The following PTPRG variants were observed in gnomAD, a reference collection of about 807,000 sequenced individuals.
PTPRG encodes the protein receptor-type tyrosine-protein phosphatase gamma.
In PTPRG, 102 loss-of-function variants were observed where a neutral mutation model predicts 165.3. The ratio of observed to expected loss-of-function variants is 0.62; its 90% CI spans 0.53 to 0.73. The LOEUF (loss-of-function observed/expected upper bound fraction) is 0.73. Among genes scored for constraint, PTPRG ranks in the 30% least tolerant of loss-of-function variants. PTPRG has a pLI of 0.00. For missense variants in PTPRG, 1,866 were observed against 1,861.4 expected (o/e 1.00, Z -0.05); for synonymous variants, 675 against 669.5 (o/e 1.01, Z -0.13).
chr3:61,961,316 A>AG (rs1481110063), intron 2 of PTPRG, among the ~76,000 whole-genome samples: 2 of 152,176 alleles, frequency 1.3e-5, no homozygotes, highest in African/African-American at 2.4e-5. Flanking sequence ...TAATACCTTT[A>AG]GGGTTGAAGT....
intron 2 of PTPRG, among the ~76,000 whole-genome samples, chr3:61,955,392 TTAAA>T (rs2040006602): frequency 6.6e-6 from 1 of 152,236 alleles, no homozygotes; most frequent in African/African-American, 2.4e-5. Flanking sequence ...ATGGTAATGT[TTAAA>T]TAGTTTTTAA....
intron 16 of PTPRG, chr3:62,262,151 T>C (rs932406390): frequency 7.4e-4 from 112 of 152,342 alleles, no homozygotes; most frequent in African/African-American, 2.4e-3. Context: ...TTATTTCTGC[T>C]ACTGCTATTT....
intron 1 of PTPRG, among the ~76,000 whole-genome samples, chr3:61,645,036 G>A (rs1702163788): frequency 6.6e-6 from 1 of 152,124 alleles, no homozygotes; most frequent in African/African-American, 2.4e-5. Context: ...CTTGGATATT[G>A]CTTTTCCTTC....
chr3:61,647,207 C>T (rs768364900), intron 1 of PTPRG, among the ~76,000 whole-genome samples: 8 of 152,186 alleles, frequency 5.3e-5, no homozygotes, highest in South Asian at 2.1e-4. Flanking sequence ...TTACTAAGCA[C>T]GTGATAACTG....
intron 1 of PTPRG, among the ~76,000 whole-genome samples, chr3:61,700,492 A>G (rs949194786): frequency 1.2e-4 from 19 of 152,226 alleles, no homozygotes; most frequent in African/African-American, 3.9e-4. Context: ...AAGGAAATTT[A>G]TAACTAAATT....
chr3:62,022,335 T>C (rs998349415), intron 4 of PTPRG, among the ~76,000 whole-genome samples: 4 of 152,242 alleles, frequency 2.6e-5, no homozygotes, highest in Non-Finnish European at 4.4e-5. Context: ...TCATAAAATG[T>C]CTGATCTTTT....
chr3:62,035,886 C>G (rs117854159), intron 4 of PTPRG, among the ~76,000 whole-genome samples: 2 of 152,112 alleles, frequency 1.3e-5, no homozygotes, highest in Non-Finnish European at 2.9e-5. Flanking sequence ...TGGTTGTAGG[C>G]CTATGTCCAG....
intron 1 of PTPRG, among the ~76,000 whole-genome samples, chr3:61,600,170 A>AT (rs1700814424): frequency 7.1e-5 from 8 of 112,740 alleles, no homozygotes; most frequent in Admixed American, 4.4e-4. Flanking sequence ...AAAAAAAAAA[A>AT]AAAATATATA....
chr3:62,210,221 C>T lies in PTPRG; in HGVS notation c.2155+6271C>T, dbSNP rs755869495. Among the ~76,000 whole-genome samples the T allele has an allele frequency of 5.3e-5, 8 of 152,176 alleles. No homozygotes were observed. Among genetic ancestry groups the T allele is most frequent in the African/African-American group, 1.7e-4 (7 of 41,436 alleles). On this transcript the variant is annotated intron_variant, in intron 12 of 29. Transcript: ENST00000474889. The surrounding 1 kb of genome is among the most constrained non-coding windows in gnomAD (Gnocchi z 4.1). The stretch of plus-strand genomic sequence containing the variant: ...GAATGATGCTCTAATCCTGCCCACA[C>T]GAGTTAACACAGAGCCAGTGTCCTG...
At position 61,915,932 on chromosome 3, in the gene PTPRG, C is replaced by A. The variant is rs557794623; in HGVS notation, c.191-73693C>A. Among the ~76,000 whole-genome samples, 13 of 152,294 alleles carry A rather than the reference C, an allele frequency of 8.5e-5. No individual in the cohort carries two copies. The South Asian group carries it at 2.7e-3, about 32-fold the overall frequency. On this transcript the variant is annotated intron_variant, in intron 2 of 29. Transcript: ENST00000474889. The stretch of plus-strand genomic sequence containing the variant: ...CCTGGCTGAACAGCACAAATAATTG[C>A]AGCCCATTCCTGAATTAATGTGTCT...
At chr3:61,840,540 G>A (rs2036595181) in intron 2 of PTPRG, among the ~76,000 whole-genome samples, 1 of 152,074 alleles carries the variant, frequency 6.6e-6, no homozygotes, top group African/African-American at 2.4e-5. Flanking sequence ...TGATGTCAGT[G>A]TGAATTGTGT....
At chr3:61,981,720 G>A (rs535352463) in intron 2 of PTPRG, among the ~76,000 whole-genome samples, 10 of 152,240 alleles carry the variant, frequency 6.6e-5, no homozygotes, top group African/African-American at 2.2e-4. Context: ...ATTACAGGAC[G>A]TGCTCCGATT....
chr3:62,071,252 C>T lies in PTPRG; in HGVS notation c.520-6911C>T, dbSNP rs143989513. 3.9e-5 allele frequency among the ~76,000 whole-genome samples: 6 copies of T among 152,234 alleles called. No homozygotes were observed. In the East Asian group the frequency reaches 9.7e-4, roughly 25 times the overall value. ...TTTTTCTTGGACCATGTGTGGGGGGCACGTGGGAGAAATCGCTTTTTGAGA... is the reference window on the plus strand; with the variant it reads ...TTTTTCTTGGACCATGTGTGGGGGGTACGTGGGAGAAATCGCTTTTTGAGA... On this transcript the variant is annotated intron_variant, in intron 4 of 29. Coordinates refer to ENST00000474889, the MANE Select transcript of PTPRG (RefSeq NM_002841.4).
chr3:61,952,755 C>CT (rs1278162411), intron 2 of PTPRG, among the ~76,000 whole-genome samples: 5 of 151,702 alleles, frequency 3.3e-5, no homozygotes, highest in African/African-American at 1.2e-4. Flanking sequence ...CCTGGGATGT[C>CT]TGTCTTCCTC....
intron 7 of PTPRG, among the ~76,000 whole-genome samples, chr3:62,167,250 C>T (rs1468648220): frequency 6.6e-6 from 1 of 152,130 alleles, no homozygotes; most frequent in Non-Finnish European, 1.5e-5. Flanking sequence ...AACAGTTCAT[C>T]TCCGATTACC....
intron 2 of PTPRG, among the ~76,000 whole-genome samples, chr3:61,850,613 G>T (rs2036939221): frequency 6.6e-6 from 1 of 152,052 alleles, no homozygotes; most frequent in East Asian, 1.9e-4. Flanking sequence ...GTTTTAAACT[G>T]TTGGACAGTA....
chr3:62,277,446 G>C, intron 25 of PTPRG, 105 bp from the exon 26 acceptor site: 1 of 1,265,848 alleles, frequency 7.9e-7, no homozygotes, highest in South Asian at 1.4e-5. Context: ...AATTATTTTA[G>C]TGTAGTCAAA....
intron 2 of PTPRG, among the ~76,000 whole-genome samples, chr3:61,800,336 A>C (rs999495788): frequency 2.0e-5 from 3 of 152,122 alleles, no homozygotes; most frequent in African/African-American, 4.8e-5. Flanking sequence ...AGAAAACACA[A>C]AAAAAATTCT....
intron 4 of PTPRG, among the ~76,000 whole-genome samples, chr3:62,046,846 T>C (rs757043597): frequency 3.9e-5 from 6 of 152,168 alleles, no homozygotes; most frequent in Admixed American, 6.5e-5. Context: ...ACCTGCAGTA[T>C]GCGTGGAGAA....
Sources: allele counts gnomAD v4.1 joint callset (sites outside exome capture counted in the v4.1 genomes callset), GRCh38; gene constraint gnomAD v4.1.1; non-coding constraint Gnocchi (gnomAD v3.1); transcripts MANE v1.5; gene names NCBI Gene and HGNC (gene_info 2026-07-23, HGNC 2026-07-21).